The following POLD3 variants were observed in gnomAD, a reference collection of about 807,000 sequenced individuals.
POLD3 encodes the protein DNA polymerase delta 3, accessory subunit.
POLD3 carries 19 observed loss-of-function variants against 58.2 expected under a neutral mutation model. That is an observed-to-expected ratio of 0.33 (90% confidence interval 0.23 to 0.48). The LOEUF is 0.48. POLD3 is among the 20% of genes least tolerant of loss of function. The pLI is 0.99. For missense variants in POLD3, 504 were observed against 545.5 expected, an observed-to-expected ratio of 0.92 and a Z score of 0.76; for synonymous variants, 172 against 193.5, an observed-to-expected ratio of 0.89 and a Z score of 0.92.
chr11:74,593,861 A>C (rs2031125455), intron 1 of POLD3, among the ~76,000 whole-genome samples, 200 bp from the exon 2 acceptor site: 1 of 152,190 alleles, frequency 6.6e-6, no homozygotes, highest in African/African-American at 2.4e-5. Context: ...TAGTTCATGA[A>C]ACAAACTTCT....
At chr11:74,631,485 T>TC (rs2032587903) in intron 9 of POLD3, among the ~76,000 whole-genome samples, 1 of 145,316 alleles carries the variant, frequency 6.9e-6, no homozygotes, top group East Asian at 2.0e-4. Flanking sequence ...GTCTTTTTTT[T>TC]TTTTTTTTTT....
chr11:74,634,631 C>T lies in POLD3; in HGVS notation c.1055C>T (p.Pro352Leu), dbSNP rs2135175239. Residue 352 changes from proline (P) to leucine (L), a missense_variant, in exon 10 of 12, where the codon CCT (proline) becomes CTT (leucine). Coordinates refer to ENST00000263681, the MANE Select transcript of POLD3 (RefSeq NM_006591.3). ...GAYEAESPSP[P>L]PPPSPPLEPV... ...TATGAAGCTGAGTCACCATCCCCACCTCCTCCTCCGTCTCCACCTCTTGAA... is the reference window on the plus strand; with the variant it reads ...TATGAAGCTGAGTCACCATCCCCACTTCCTCCTCCGTCTCCACCTCTTGAA... 1 of 1,612,920 alleles carries T rather than the reference C, an allele frequency of 6.2e-7. No homozygotes were observed. The highest frequency in any genetic ancestry group is 1.1e-5 in the South Asian group (1 of 91,066).
intron 8 of POLD3, among the ~76,000 whole-genome samples, chr11:74,628,543 G>A (rs1200388718): frequency 6.6e-6 from 1 of 152,140 alleles, no homozygotes; most frequent in Admixed American, 6.5e-5. Flanking sequence ...CATGAGGAGT[G>A]TGATGGAGTA....
chr11:74,631,931 A>AG (rs895507170), intron 9 of POLD3, among the ~76,000 whole-genome samples: 17 of 152,114 alleles, frequency 1.1e-4, no homozygotes, highest in African/African-American at 4.1e-4. Context: ...TTTCTACCCA[A>AG]GGGACTGTTC....
At chr11:74,618,412 T>A in intron 5 of POLD3, 125 bp from the exon 6 acceptor site, 1 of 681,090 alleles carries the variant, frequency 1.5e-6, no homozygotes, top group Admixed American at 2.6e-5. Context: ...TTAAGTATTG[T>A]GTGGAAGAAG....
Position 74,592,633 on chromosome 11 carries a change from G to T in POLD3, c.-26G>T, listed in dbSNP as rs547222593. 1.3e-6 allele frequency: 2 copies of T among 1,598,918 alleles called. No individual in the cohort carries two copies. The highest frequency in any genetic ancestry group is 2.3e-5 in the East Asian group (1 of 44,182). ...GTGGCTGTGATTGAGAGAGGGGTTA[G>T]AGGCGGGTCCCAGCGCTGCCGCACC... On this transcript the variant is annotated 5_prime_UTR_variant, in exon 1 of 12. Transcript: ENST00000263681.
At chr11:74,599,685 A>G (rs1294164143) in intron 2 of POLD3, among the ~76,000 whole-genome samples, 1 of 151,740 alleles carries the variant, frequency 6.6e-6, no homozygotes, top group Non-Finnish European at 1.5e-5. Flanking sequence ...TTTTAGCATT[A>G]TTTCAGGCTA....
At position 74,641,059 on chromosome 11, in the gene POLD3, A is replaced by G; in HGVS notation, c.*293A>G. The G allele has an allele frequency of 9.5e-7, 1 of 1,057,774 alleles. No individual in the cohort carries two copies. Among genetic ancestry groups the G allele is most frequent in the Non-Finnish European group, 1.1e-6 (1 of 877,658 alleles). 65.5% of individuals were successfully genotyped at this position (1,057,774 alleles called of 1,614,324 possible). The stretch of plus-strand genomic sequence containing the variant: ...TACTGGAACAGTTTTCAGAATTCTC[A>G]CTGAAGCCATTTAGTGGCTAACCCA... On this transcript the variant is annotated 3_prime_UTR_variant, in exon 12 of 12. Transcript: ENST00000263681.
At chr11:74,609,016 T>C (rs937589528) in intron 3 of POLD3, among the ~76,000 whole-genome samples, 1 of 152,168 alleles carries the variant, frequency 6.6e-6, no homozygotes, top group Non-Finnish European at 1.5e-5. Context: ...TGAATTTTGG[T>C]GGTTCCGAAC....
chr11:74,593,974 T>A (rs1024931426), intron 1 of POLD3, 87 bp from the exon 2 acceptor site: 1 of 732,272 alleles, frequency 1.4e-6, no homozygotes, highest in Non-Finnish European at 2.5e-6. Flanking sequence ...CATCTAAGAA[T>A]AGGAATCTTT....
Position 74,640,580 on chromosome 11 carries a change from C to A in POLD3, c.1215C>A (p.Tyr405Ter). 1 of 1,552,132 alleles carries A rather than the reference C, an allele frequency of 6.4e-7. No homozygotes were observed. ...TCCTACCAGTGACTGAAAAAGTCTACGAGAGTGAATCCTGCACAGATAGTG... is the reference window on the plus strand; with the variant it reads ...TCCTACCAGTGACTGAAAAAGTCTAAGAGAGTGAATCCTGCACAGATAGTG... Reference protein sequence around the residue: ...GEGCIVTEKVYESESCTDSEE... With the variant: ...GEGCIVTEKV Residue 405 changes from tyrosine to a stop codon, truncating the protein, a stop_gained, in exon 12 of 12, where the codon TAC becomes TAA. Transcript: ENST00000263681. LOFTEE classifies it high-confidence loss of function.
chr11:74,669,088 G>GTC, exon 5 of POLD3: 1 of 260,234 alleles, frequency 3.8e-6, no homozygotes, highest in South Asian at 3.9e-5. Flanking sequence ...AGGACCCAGG[G>GTC]TCTCTGCTTT....
chr11:74,633,319 T>C (rs1015874126), intron 9 of POLD3, among the ~76,000 whole-genome samples: 10 of 152,216 alleles, frequency 6.6e-5, no homozygotes, highest in African/African-American at 2.4e-4. Flanking sequence ...AGCTGGCTAA[T>C]AGCCGGACCG....
intron 7 of POLD3, among the ~76,000 whole-genome samples, chr11:74,623,824 A>G (rs1382749743): frequency 6.6e-6 from 1 of 152,224 alleles, no homozygotes; most frequent in Non-Finnish European, 1.5e-5. Flanking sequence ...ATTTTCCTTA[A>G]TAATTGCCTT....
At chr11:74,604,587 T>C (rs11236170) in intron 2 of POLD3, 105 bp from the exon 3 acceptor site, 8 of 687,636 alleles carry the variant, frequency 1.2e-5, no homozygotes, top group Non-Finnish European at 2.0e-5. Flanking sequence ...TCAGAAAATT[T>C]GATGGACTAC....
chr11:74,598,917 G>A (rs982345964), intron 2 of POLD3, among the ~76,000 whole-genome samples: 1 of 152,164 alleles, frequency 6.6e-6, no homozygotes, highest in Admixed American at 6.5e-5. Context: ...AAGAGCATAT[G>A]GAATGGAAGA....
Position 74,625,504 on chromosome 11 carries a change from C to T in POLD3, c.830C>T (p.Thr277Ile). ...TCTGTCACGGAACCAAAGCTGGCAA[C>T]TCCTGCAGGCCTGAAAAAATCCAGC... ...TVSVTEPKLATPAGLKKSSKK... is the reference protein window; with the variant it reads ...TVSVTEPKLAIPAGLKKSSKK... The change falls in exon 8 of 12, where the codon ACT (threonine) becomes ATT (isoleucine). Residue 277 changes from threonine (T) to isoleucine (I), a missense_variant. Thr to Ile is a moderately conservative substitution (Grantham distance 89). Around this residue, in one of 2 missense-constraint regions of POLD3, gnomAD observed 385 missense variants for 370.5 expected, o/e 1.04. Coordinates refer to ENST00000263681, the MANE Select transcript of POLD3 (RefSeq NM_006591.3). The T allele has an allele frequency of 1.2e-6, 2 of 1,613,906 alleles. No homozygotes were observed. The highest frequency in any genetic ancestry group is 8.5e-7 in the Non-Finnish European group (1 of 1,179,920).
intron 9 of POLD3, 22 bp from the exon 10 acceptor site, chr11:74,634,561 T>A: frequency 1.6e-6 from 2 of 1,276,328 alleles, no homozygotes; most frequent in Non-Finnish European, 2.3e-6. Context: ...TTCTCTGATC[T>A]AAGTCCGTTT....
chr11:74,592,921 G>T (rs1334226340), intron 1 of POLD3: 1 of 1,416,144 alleles, frequency 7.1e-7, no homozygotes, highest in African/African-American at 1.5e-5. Context: ...ACGGAAGTCC[G>T]CGTCCCTTGG....
Sources: gnomAD v4.1 joint callset for allele counts (sites outside exome capture counted in the v4.1 genomes callset) on GRCh38, gnomAD v4.1.1 for gene constraint, gnomAD v4.1.1 regional missense constraint, MANE v1.5 for transcripts, NCBI Gene and HGNC (gene_info 2026-07-23, HGNC 2026-07-21) for gene names.